Variants in CARD10 observed in about 807,000 individuals in gnomAD.
CARD10 encodes caspase recruitment domain-containing protein 10.
A neutral mutation model predicts 114.6 loss-of-function variants in CARD10; 49 were observed. The ratio of observed to expected loss-of-function variants is 0.43; its 90% CI spans 0.34 to 0.54. CARD10 has a LOEUF of 0.54. Among genes scored for constraint, CARD10 ranks in the 20% least tolerant of loss-of-function variants. The probability of loss-of-function intolerance (pLI) is 0.03; values close to 1 mark genes in which losing one functional copy is unlikely to be tolerated. For synonymous variants in CARD10, 602 were observed against 593.2 expected, an observed-to-expected ratio of 1.01 and a Z score of -0.21; for missense variants, 1,206 against 1,397.2, an observed-to-expected ratio of 0.86 and a Z score of 2.18.
At chr22:37,518,401 T>A (rs893867556) in intron 1 of CARD10, among the ~76,000 whole-genome samples, 1 of 151,974 alleles carries the variant, frequency 6.6e-6, no homozygotes, top group Non-Finnish European at 1.5e-5. Flanking sequence ...AGAAGCCCCC[T>A]CTATCCCCAG....
In CARD10 at chr22:37,510,683, T is replaced by C. The variant is rs552015649; in HGVS notation, c.700-262A>G. 13 of 485,596 alleles carry C rather than the reference T, an allele frequency of 2.7e-5. No homozygotes were observed. In the Admixed American group the frequency reaches 3.5e-4, roughly 13 times the overall value. The allele number at this position is 485,596 out of a possible 1,614,324, so 30.1% of individuals were successfully genotyped here. A position where few individuals can be genotyped will look rare whatever the true frequency, so the allele number is the denominator to read the frequency against. On this transcript the variant is annotated intron_variant, in intron 3 of 19. Transcript: ENST00000251973. The stretch of plus-strand genomic sequence containing the variant: ...CACTCTAAGAACTTGTGGGCGGACA[T>C]GCTGCATCACGACACGCTGTCTGTC...
At chr22:37,511,640 TA>T (rs1228180563) in intron 3 of CARD10, among the ~76,000 whole-genome samples, 2 of 138,386 alleles carry the variant, frequency 1.4e-5, no homozygotes, top group African/African-American at 3.1e-5. Flanking sequence ...ATCTCATCTG[TA>T]CGGGGGGGGT....
chr22:37,510,536 C>T, intron 3 of CARD10, 115 bp from the exon 4 acceptor site: 10 of 859,064 alleles, frequency 1.2e-5, no homozygotes, highest in South Asian at 1.7e-5. Context: ...CCAGAGAAGC[C>T]GAAGCAGGAG....
chr22:37,506,304 C>T lies in CARD10; in HGVS notation c.1271G>A (p.Arg424Gln), dbSNP rs372472560. ...IEKDQYRKQV[R>Q]GLEAERDELL... Reference sequence around the variant, plus strand: ...CTCATCCCGCTCCGCCTCCAGGCCCCGCACCTGCTTGCGGTACTGGTCCTT... The same window carrying T: ...CTCATCCCGCTCCGCCTCCAGGCCCTGCACCTGCTTGCGGTACTGGTCCTT... Residue 424 changes from arginine (R) to glutamine (Q), a missense_variant, in exon 7 of 20, where the codon CGG (arginine) becomes CAG (glutamine). By Grantham distance (43) the Arg-to-Gln change is conservative. This residue lies in a region of CARD10 where 1,068 missense variants were observed against 1,179.1 expected (regional missense o/e 0.91). Coordinates refer to ENST00000251973, the MANE Select transcript of CARD10 (RefSeq NM_014550.4). 2.5e-6 allele frequency: 4 copies of T among 1,610,784 alleles called. No homozygotes were observed. Among genetic ancestry groups the T allele is most frequent in the African/African-American group, 2.7e-5 (2 of 74,876 alleles).
Position 37,496,605 on chromosome 22 carries a change from G to C in CARD10, c.1948-45C>G. ...GGGAGGGAAAGAAGTGAGCCTCTGA[G>C]AGTAGAGCAGCCCAGGGGCTGGAGG... On this transcript the variant is annotated intron_variant, in intron 12 of 19. Coordinates refer to ENST00000251973, the MANE Select transcript of CARD10 (RefSeq NM_014550.4). This position sits in a 1 kb window ranked among gnomAD's most constrained non-coding sequence, Gnocchi z 4.1. 1.4e-6 allele frequency: 2 copies of C among 1,396,454 alleles called. No individual in the cohort carries two copies. The highest frequency in any genetic ancestry group is 2.0e-6 in the Non-Finnish European group (2 of 990,458). 86.5% of individuals were successfully genotyped at this position (1,396,454 alleles called of 1,614,324 possible). A position where few individuals can be genotyped will look rare whatever the true frequency, so the allele number is the denominator to read the frequency against.
In CARD10 at chr22:37,501,209, CCT is replaced by C; in HGVS notation, c.1787+1391_1787+1392del. Among the ~76,000 whole-genome samples, 1 of 152,280 alleles carries C rather than the reference CCT, an allele frequency of 6.6e-6. No homozygotes were observed. Among genetic ancestry groups the C allele is most frequent in the East Asian group, 1.9e-4 (1 of 5,182 alleles). On this transcript the variant is annotated intron_variant, in intron 11 of 19. Transcript: ENST00000251973. This position sits in a 1 kb window ranked among gnomAD's most constrained non-coding sequence, Gnocchi z 5.4. The stretch of plus-strand genomic sequence containing the variant: ...CCCAGCCTGTGTTCTTCCCCAGGAA[CCT>C]CTCTCCTCCCCAGGAACAGCATGGG...
chr22:37,492,475 A>C lies in CARD10; in HGVS notation c.2711T>G (p.Leu904Arg). The change falls in exon 18 of 20, where the codon CTA becomes CGA. Residue 904 changes from leucine to arginine, a missense_variant. Transcript: ENST00000251973. This position sits in a 1 kb window ranked among gnomAD's most constrained non-coding sequence, Gnocchi z 5.7. ...APKAQPATPG[L>R]GSRIRAIQES... ...CTGGATGGCCCGGATCCTGCTGCCT[A>C]GCCCAGGGGTGGCAGGCTGAGCCTT... 1 of 1,599,710 alleles carries C rather than the reference A, an allele frequency of 6.3e-7. No individual in the cohort carries two copies. Among genetic ancestry groups the C allele is most frequent in the East Asian group, 2.2e-5 (1 of 44,678 alleles).
rs189375741 is a variant in CARD10 at position 37,516,046 on chromosome 22, A to G, written c.626T>C (p.Ile209Thr). Residue 209 changes from isoleucine (I) to threonine (T), a missense_variant, in exon 3 of 20, where the codon ATC becomes ACC. Ile to Thr is a moderately conservative substitution (Grantham distance 89). Around this residue, in one of 2 missense-constraint regions of CARD10, gnomAD observed 1,068 missense variants for 1,179.1 expected, o/e 0.91. Transcript: ENST00000251973. ...ACTGAGCTGTGCCAGGCGCATGGCG[A>G]TCATGTAGTTCTCATCCTTGAGCCG... ...LLRLKDENYM[I>T]AMRLAQLSEE... 6 of 1,602,662 alleles carry G rather than the reference A, an allele frequency of 3.7e-6. No homozygotes were observed.
At chr22:37,499,327 T>C (rs1923128384) in intron 11 of CARD10, among the ~76,000 whole-genome samples, 1 of 152,068 alleles carries the variant, frequency 6.6e-6, no homozygotes, top group Non-Finnish European at 1.5e-5. Context: ...CAGGAGACAC[T>C]AAGTGCTCTG....
rs1923690678 is a variant in CARD10 at position 37,512,465 on chromosome 22, C to CACA, written c.700-2045_700-2044insTGT. Among the ~76,000 whole-genome samples the CACA allele has an allele frequency of 5.9e-4, 67 of 113,854 alleles. 2 individuals carry two copies. The highest frequency in any genetic ancestry group is 5.4e-3 in the East Asian group (20 of 3,720). 74.7% of individuals were successfully genotyped at this position (113,854 alleles called of 152,430 possible). A position where few individuals can be genotyped will look rare whatever the true frequency, so the allele number is the denominator to read the frequency against. ...AGAGGTTAGAATGGCAGCCCCCCCT[C>CACA]CACACACACACACACACACACACAC... On this transcript the variant is annotated intron_variant, in intron 3 of 19. Transcript: ENST00000251973.
intron 6 of CARD10, 100 bp downstream of exon 6, chr22:37,507,729 G>T: frequency 6.9e-7 from 1 of 1,450,930 alleles, no homozygotes. Flanking sequence ...AGCGGCTAAC[G>T]TCTCTTTCTA....
Position 37,495,916 on chromosome 22 carries a change from G to A in CARD10, c.2147C>T (p.Pro716Leu), listed in dbSNP as rs767507128. The change falls in exon 14 of 20, where the codon CCT (proline) becomes CTT (leucine). Residue 716 changes from proline (P) to leucine (L), a missense_variant. Physicochemically the swap from Pro to Leu is moderately conservative, Grantham distance 98. Around this residue, in one of 2 missense-constraint regions of CARD10, gnomAD observed 1,068 missense variants for 1,179.1 expected, o/e 0.91. Coordinates refer to ENST00000251973, the MANE Select transcript of CARD10 (RefSeq NM_014550.4). ...AAGGGCATGGGGATCTGCCCTCTCA[G>A]GCAAGGTGAGGTTGGCACGAATGTA... ...PFYIRANLTL[P>L]ERADPHALCV... is the part of the protein sequence containing the mutation. 8.7e-6 allele frequency: 14 copies of A among 1,614,032 alleles called. No homozygotes were observed. The East Asian group carries it at 1.8e-4, about 21-fold the overall frequency.
intron 11 of CARD10, 33 bp downstream of exon 11, chr22:37,502,569 C>G: frequency 6.2e-7 from 1 of 1,608,270 alleles, no homozygotes; most frequent in Non-Finnish European, 8.5e-7. Flanking sequence ...AAGCAATCAC[C>G]CCAGCTCCAC....
chr22:37,496,547 G>A lies in CARD10; in HGVS notation c.1961C>T (p.Ala654Val). 1.2e-6 allele frequency: 2 copies of A among 1,613,072 alleles called. No individual in the cohort carries two copies. Among genetic ancestry groups the A allele is most frequent in the Admixed American group, 1.7e-5 (1 of 59,970 alleles). ...RMEPREQRVE[A>V]AGLEGACLEA... ...CAGGCACGCCCCCTCCAGACCAGCAGCTTCCACCCTTTGCTGGGAGAAAAC... is the reference window on the plus strand; with the variant it reads ...CAGGCACGCCCCCTCCAGACCAGCAACTTCCACCCTTTGCTGGGAGAAAAC... The change falls in exon 13 of 20, where the codon GCT (alanine) becomes GTT (valine). Residue 654 changes from alanine to valine, a missense_variant. By Grantham distance (64) the Ala-to-Val change is moderately conservative. This residue lies in a region of CARD10 where 1,068 missense variants were observed against 1,179.1 expected (regional missense o/e 0.91). Transcript: ENST00000251973. This position sits in a 1 kb window ranked among gnomAD's most constrained non-coding sequence, Gnocchi z 4.1.
chr22:37,491,729 C>G (rs759256630), intron 19 of CARD10, 26 bp downstream of exon 19: 2 of 1,240,352 alleles, frequency 1.6e-6, no homozygotes, highest in Non-Finnish European at 2.3e-6. Flanking sequence ...GAGTGCCCTG[C>G]CCACTGCCCC....
At position 37,504,393 on chromosome 22, in the gene CARD10, G is replaced by A. The variant is rs1204428094; in HGVS notation, c.1519-92C>T. The A allele has an allele frequency of 5.3e-6, 6 of 1,127,988 alleles. No individual in the cohort carries two copies. The Admixed American group carries it at 1.4e-4, about 27-fold the overall frequency. The allele number at this position is 1,127,988 out of a possible 1,614,324, so 69.9% of individuals were successfully genotyped here. ...TGGTTTGTGCCCATTCCACAAATGA[G>A]AAGTAGGGCCCAGAGCAGAAGAGCG... On this transcript the variant is annotated intron_variant, in intron 8 of 19. Coordinates refer to ENST00000251973, the MANE Select transcript of CARD10 (RefSeq NM_014550.4).
chr22:37,492,497 C>T lies in CARD10; in HGVS notation c.2689G>A (p.Ala897Thr). ...CPSSAPGAPKAQPATPGLGSR... is the reference protein window; with the variant it reads ...CPSSAPGAPKTQPATPGLGSR... ...CCTAGCCCAGGGGTGGCAGGCTGAGCCTTGGGGGCTCCAGGCGCTGAGGAT... is the reference window on the plus strand; with the variant it reads ...CCTAGCCCAGGGGTGGCAGGCTGAGTCTTGGGGGCTCCAGGCGCTGAGGAT... Residue 897 changes from alanine to threonine, a missense_variant, in exon 18 of 20, where the codon GCT (alanine) becomes ACT (threonine). Around this residue, in one of 2 missense-constraint regions of CARD10, gnomAD observed 1,068 missense variants for 1,179.1 expected, o/e 0.91. Coordinates refer to ENST00000251973, the MANE Select transcript of CARD10 (RefSeq NM_014550.4). The surrounding 1 kb of genome is among the most constrained non-coding windows in gnomAD (Gnocchi z 5.7). 6.2e-7 allele frequency: 1 copy of T among 1,604,530 alleles called. No homozygotes were observed. Among genetic ancestry groups the T allele is most frequent in the Non-Finnish European group, 8.5e-7 (1 of 1,174,454 alleles).
At chr22:37,505,090 C>G (rs1197375367) in intron 7 of CARD10, among the ~76,000 whole-genome samples, 1 of 152,146 alleles carries the variant, frequency 6.6e-6, no homozygotes. Flanking sequence ...GTAGGTCAAG[C>G]TGGGATGGTC....
chr22:37,491,399 G>T lies in CARD10; in HGVS notation c.2865-6C>A. 6.8e-7 allele frequency: 1 copy of T among 1,473,304 alleles called. No homozygotes were observed. The allele number at this position is 1,473,304 out of a possible 1,614,324, so 91.3% of individuals were successfully genotyped here. On this transcript the variant is annotated splice_region_variant and splice_polypyrimidine_tract_variant and intron_variant, in intron 19 of 19. Transcript: ENST00000251973. ...CCGGCCGGCCCAGCAGACCCCTGCC[G>T]AGAGAAGAGTGAGCAGCGGTCAAAG...
Sources: gnomAD v4.1 joint callset for allele counts (sites outside exome capture counted in the v4.1 genomes callset) on GRCh38, gnomAD v4.1.1 for gene constraint, gnomAD v4.1.1 regional missense constraint, Gnocchi (gnomAD v3.1) non-coding constraint, MANE v1.5 for transcripts, NCBI Gene and HGNC (gene_info 2026-07-23, HGNC 2026-07-21) for gene names.